Variants in APBB2 observed in about 807,000 individuals in gnomAD.
APBB2 encodes the protein Fe65-like 1.
Under a neutral mutation model 82.5 loss-of-function variants are expected in APBB2, and 38 were observed. The ratio of observed to expected loss-of-function variants is 0.46; its 90% CI spans 0.36 to 0.60. The LOEUF (loss-of-function observed/expected upper bound fraction) is 0.60. APBB2 is among the 20% of genes least tolerant of loss of function. APBB2 has a pLI of 0.00. For missense variants in APBB2, 772 were observed against 972.3 expected, an observed-to-expected ratio of 0.79 and a Z score of 2.74; for synonymous variants, 341 against 368.2, an observed-to-expected ratio of 0.93 and a Z score of 0.85.
intron 1 of APBB2, among the ~76,000 whole-genome samples, chr4:41,182,331 G>C (rs1361586143): frequency 6.6e-6 from 1 of 152,164 alleles, no homozygotes; most frequent in African/African-American, 2.4e-5. Flanking sequence ...TCTACTGAAT[G>C]ATTACTCTAA....
chr4:40,888,205 C>T (rs1163791059), intron 12 of APBB2, among the ~76,000 whole-genome samples: 6 of 152,250 alleles, frequency 3.9e-5, no homozygotes, highest in Non-Finnish European at 7.3e-5. Context: ...TGCACATATA[C>T]GTATGTGTTG....
At chr4:40,821,741 G>T in intron 17 of APBB2, 130 bp downstream of exon 17, 2 of 1,057,422 alleles carry the variant, frequency 1.9e-6, no homozygotes, top group South Asian at 1.6e-5. Context: ...GAATGACGGC[G>T]TTATAAAGTA....
chr4:40,947,246 G>A (rs1280562131), intron 6 of APBB2, among the ~76,000 whole-genome samples: 3 of 152,138 alleles, frequency 2.0e-5, no homozygotes, highest in African/African-American at 7.2e-5. Context: ...GGGTTCCCTC[G>A]TCCCATTCTA....
chr4:41,044,246 C>A (rs1055747178), intron 4 of APBB2, among the ~76,000 whole-genome samples: 5 of 152,182 alleles, frequency 3.3e-5, no homozygotes, highest in African/African-American at 9.6e-5. Flanking sequence ...TAACTACTTT[C>A]AAGATGATGA....
chr4:40,837,039 A>T (rs1230581227), intron 12 of APBB2, among the ~76,000 whole-genome samples: 1 of 152,216 alleles, frequency 6.6e-6, no homozygotes, highest in East Asian at 1.9e-4. Flanking sequence ...TAAGAGCAAC[A>T]GGGTAGGTCC....
chr4:41,151,934 T>A (rs1762380716), intron 1 of APBB2, among the ~76,000 whole-genome samples: 1 of 152,122 alleles, frequency 6.6e-6, no homozygotes, highest in Non-Finnish European at 1.5e-5. Flanking sequence ...ATACATTAGA[T>A]CTTCAAATAG....
intron 2 of APBB2, among the ~76,000 whole-genome samples, chr4:41,130,882 A>C (rs1012554421): frequency 3.3e-5 from 5 of 151,206 alleles, no homozygotes; most frequent in African/African-American, 1.2e-4. Flanking sequence ...ACCAATTTCT[A>C]CCTCCTTAGG....
intron 1 of APBB2, among the ~76,000 whole-genome samples, chr4:41,171,426 T>C (rs188467993): frequency 1.3e-3 from 193 of 148,602 alleles, no homozygotes; most frequent in African/African-American, 4.5e-3. Flanking sequence ...AAAAAAAAAA[T>C]GCAGTCTTCT....
intron 6 of APBB2, among the ~76,000 whole-genome samples, chr4:40,982,289 G>GGAA: frequency 3.6e-5 from 1 of 27,570 alleles, no homozygotes; most frequent in East Asian, 5.9e-4. Flanking sequence ...AAAGAAGGAA[G>GGAA]GAAGGAAGGA....
At position 41,140,954 on chromosome 4, in the gene APBB2, C is replaced by T. The variant is rs867638592; in HGVS notation, c.-261+2033G>A. Among the ~76,000 whole-genome samples, 18 of 152,216 alleles carry T rather than the reference C, an allele frequency of 1.2e-4. No homozygotes were observed. The Middle Eastern group carries it at 0.01, about 86-fold the overall frequency. The stretch of plus-strand genomic sequence containing the variant: ...AGTTGCAAAATTATTTCATTATAGA[C>T]CACAATGTAGTAATAATAATAGAAA... On this transcript the variant is annotated intron_variant, in intron 2 of 17. Transcript: ENST00000508593.
intron 13 of APBB2, among the ~76,000 whole-genome samples, chr4:40,828,695 G>A (rs1750795787): frequency 1.3e-5 from 2 of 152,232 alleles, no homozygotes; most frequent in South Asian, 2.1e-4. Flanking sequence ...TGAAATCCAG[G>A]GAGCAGGCCG....
chr4:40,826,009 C>T lies in APBB2; in HGVS notation c.1733-39G>A. On this transcript the variant is annotated intron_variant, in intron 14 of 17. Transcript: ENST00000508593. This position sits in a 1 kb window ranked among gnomAD's most constrained non-coding sequence, Gnocchi z 4.5. ...AAGCAACACATCTTTCTCAGTGGTT[C>T]CAACACACATGTACACAACAGCCGT... The T allele has an allele frequency of 6.7e-7, 1 of 1,500,212 alleles. No homozygotes were observed. The highest frequency in any genetic ancestry group is 9.3e-7 in the Non-Finnish European group (1 of 1,076,346). The allele number at this position is 1,500,212 out of a possible 1,614,324, so 92.9% of individuals were successfully genotyped here.
chr4:41,135,937 C>T (rs1247224215), intron 2 of APBB2, among the ~76,000 whole-genome samples: 1 of 152,180 alleles, frequency 6.6e-6, no homozygotes, highest in African/African-American at 2.4e-5. Context: ...TCCTGAATAG[C>T]TGGGACTACA....
At chr4:40,869,013 CCCA>C (rs960997000) in intron 12 of APBB2, among the ~76,000 whole-genome samples, 32 of 152,018 alleles carry the variant, frequency 2.1e-4, no homozygotes, top group African/African-American at 7.5e-4. Flanking sequence ...TCGATTTGTC[CCCA>C]CACCACCTTT....
At chr4:40,975,789 C>CACACACACACA (rs1441223479) in intron 6 of APBB2, among the ~76,000 whole-genome samples, 1 of 147,710 alleles carries the variant, frequency 6.8e-6, no homozygotes, top group Non-Finnish European at 1.5e-5. Context: ...CACACACACA[C>CACACACACACA]AACAACCACT....
intron 6 of APBB2, among the ~76,000 whole-genome samples, chr4:41,005,030 G>A (rs1408256362): frequency 1.3e-5 from 2 of 152,100 alleles, no homozygotes; most frequent in Non-Finnish European, 2.9e-5. Flanking sequence ...CCCCATGGAT[G>A]TAGAGCTGTT....
chr4:40,953,483 G>A (rs181127211), intron 6 of APBB2, among the ~76,000 whole-genome samples: 110 of 151,878 alleles, frequency 7.2e-4, no homozygotes, highest in African/African-American at 2.4e-3. Flanking sequence ...AGATTCGCCC[G>A]CAGACTGGCC....
In APBB2 at chr4:40,947,774, G is replaced by A. The variant is rs1313909987; in HGVS notation, c.836-2701C>T. Among the ~76,000 whole-genome samples, 4 of 152,210 alleles carry A rather than the reference G, an allele frequency of 2.6e-5. No individual in the cohort carries two copies. The South Asian group carries it at 6.2e-4, about 24-fold the overall frequency. The stretch of plus-strand genomic sequence containing the variant: ...GTTTAAGGGATTTAAGCCTTGTGAG[G>A]GTAGGCAGATACCATAACTGTCTTA... On this transcript the variant is annotated intron_variant, in intron 6 of 17. Transcript: ENST00000508593.
chr4:41,101,945 C>A (rs537189862), intron 2 of APBB2, among the ~76,000 whole-genome samples: 18 of 148,930 alleles, frequency 1.2e-4, no homozygotes, highest in Non-Finnish European at 2.5e-4. Flanking sequence ...GGTGACAGTG[C>A]GAGACTCCAT....
Sources: allele counts gnomAD v4.1 joint callset (sites outside exome capture counted in the v4.1 genomes callset), GRCh38; gene constraint gnomAD v4.1.1; non-coding constraint Gnocchi (gnomAD v3.1); transcripts MANE v1.5; gene names NCBI Gene and HGNC (gene_info 2026-07-23, HGNC 2026-07-21).